Variants in CELF1 observed in about 807,000 individuals in gnomAD.
CELF1 encodes CUGBP Elav-like family member 1.
Under a neutral mutation model 61.8 loss-of-function variants are expected in CELF1, and 10 were observed. That is an observed-to-expected ratio of 0.16 (90% confidence interval 0.10 to 0.27). The LOEUF (loss-of-function observed/expected upper bound fraction) is 0.27, where lower values mean the gene tolerates loss of function less well. Among genes scored for constraint, CELF1 ranks in the 10% least tolerant of loss-of-function variants. CELF1 has a pLI of 1.00. For synonymous variants in CELF1, 236 were observed against 225.1 expected (o/e 1.05, Z -0.43); for missense variants, 380 against 639.1 (o/e 0.59, Z 4.37).
chr11:47,493,203 T>C (rs1239614183), intron 3 of CELF1, among the ~76,000 whole-genome samples: 2 of 151,948 alleles, frequency 1.3e-5, no homozygotes, highest in Non-Finnish European at 2.9e-5. Context: ...CCTGTTTATA[T>C]ACCAATTCAA....
At chr11:47,508,511 G>A (rs1481027590) in intron 1 of CELF1, among the ~76,000 whole-genome samples, 1 of 150,658 alleles carries the variant, frequency 6.6e-6, no homozygotes, top group Non-Finnish European at 1.5e-5. Context: ...GCAGCCCTCA[G>A]GGGGCTAGGA....
intron 1 of CELF1, among the ~76,000 whole-genome samples, chr11:47,540,424 C>T (rs979561497): frequency 6.6e-6 from 1 of 152,186 alleles, no homozygotes; most frequent in Non-Finnish European, 1.5e-5. Context: ...TTGTTGAAAG[C>T]CTGCTATAAA....
chr11:47,473,579 G>T (rs2078646317), intron 13 of CELF1, among the ~76,000 whole-genome samples: 1 of 152,174 alleles, frequency 6.6e-6, no homozygotes, highest in Non-Finnish European at 1.5e-5. Context: ...GTGAAAAGGG[G>T]TTATAAACAA....
chr11:47,507,400 C>T (rs1193747476), intron 1 of CELF1, among the ~76,000 whole-genome samples: 1 of 152,052 alleles, frequency 6.6e-6, no homozygotes, highest in African/African-American at 2.4e-5. Context: ...ACAAAAGCAA[C>T]CACGTTCCTG....
At chr11:47,504,107 C>G (rs1387036145) in intron 1 of CELF1, among the ~76,000 whole-genome samples, 1 of 152,018 alleles carries the variant, frequency 6.6e-6, no homozygotes, top group African/African-American at 2.4e-5. Flanking sequence ...CCCAGGAGGT[C>G]AAGGCTGCAG....
chr11:47,490,624 C>T (rs1052961659), intron 3 of CELF1, among the ~76,000 whole-genome samples: 4 of 152,058 alleles, frequency 2.6e-5, no homozygotes, highest in East Asian at 1.9e-4. Flanking sequence ...TGGGGTTTCA[C>T]CATATTGGTC....
At chr11:47,548,865 C>CAAA (rs35634201) in intron 1 of CELF1, among the ~76,000 whole-genome samples, 76 of 83,582 alleles carry the variant, frequency 9.1e-4, no homozygotes, top group African/African-American at 2.7e-3. Flanking sequence ...GACTCCATCT[C>CAAA]AAAAAAAAAA....
intron 1 of CELF1, among the ~76,000 whole-genome samples, chr11:47,550,438 G>A (rs1385673099): frequency 1.3e-5 from 2 of 152,186 alleles, no homozygotes; most frequent in South Asian, 4.1e-4. Context: ...GGCTGAGGCA[G>A]GAGAACTGCT....
At chr11:47,519,435 A>G (rs549612535) in intron 1 of CELF1, among the ~76,000 whole-genome samples, 2 of 152,064 alleles carry the variant, frequency 1.3e-5, no homozygotes, top group East Asian at 3.9e-4. Flanking sequence ...AGCTGAGATC[A>G]CACCACTGCA....
chr11:47,484,000 G>T lies in CELF1; in HGVS notation c.526+389C>A, dbSNP rs1038401256. 4.6e-5 allele frequency among the ~76,000 whole-genome samples: 7 copies of T among 152,188 alleles called. No individual in the cohort carries two copies. In the South Asian group the frequency reaches 1.5e-3, roughly 32 times the overall value. On this transcript the variant is annotated intron_variant, in intron 7 of 14. Transcript: ENST00000687097. ...TCTTTATCTTGACTGGGCCATATTG[G>T]CTAGGGAATCACTGTTGCTAGTTTC...
chr11:47,502,554 C>T lies in CELF1; in HGVS notation c.-153-1622G>A, dbSNP rs545529277. 7.9e-5 allele frequency among the ~76,000 whole-genome samples: 12 copies of T among 152,096 alleles called. No homozygotes were observed. The East Asian group carries it at 1.5e-3, about 20-fold the overall frequency. Reference sequence around the variant, plus strand: ...TGTGTGTTTAATGTCTTAATTAGTCCGGACACGGTGGCTCAAGCCTGTAAT... The same window carrying T: ...TGTGTGTTTAATGTCTTAATTAGTCTGGACACGGTGGCTCAAGCCTGTAAT... On this transcript the variant is annotated intron_variant, in intron 1 of 14. Transcript: ENST00000687097.
At chr11:47,514,304 T>C (rs73461744) in intron 1 of CELF1, among the ~76,000 whole-genome samples, 2,642 of 152,114 alleles carry the variant, frequency 0.017, 45 homozygotes, top group African/African-American at 0.048. Context: ...CTAACAATGA[T>C]AAACATTTTC....
At chr11:47,472,806 A>G (rs1233130490) in intron 14 of CELF1, among the ~76,000 whole-genome samples, 1 of 152,154 alleles carries the variant, frequency 6.6e-6, no homozygotes, top group Admixed American at 6.5e-5. Context: ...TGGCCTCCCC[A>G]AGTACTGGGA....
At chr11:47,495,920 A>G in intron 3 of CELF1, 2 of 942,668 alleles carry the variant, frequency 2.1e-6, no homozygotes, top group Non-Finnish European at 2.5e-6. Flanking sequence ...AATTATACAA[A>G]AAGAAAAAAT....
At chr11:47,480,569 T>C (rs1221449996) in intron 9 of CELF1, among the ~76,000 whole-genome samples, 1 of 152,076 alleles carries the variant, frequency 6.6e-6, no homozygotes. Context: ...GTAGTGGCAA[T>C]GACAACAAAA....
rs1479908850 is a variant in CELF1, at chr11:47,494,559, CTCCTT to C, written c.71+4889_71+4893del. On this transcript the variant is annotated intron_variant, in intron 3 of 14. Coordinates refer to ENST00000687097, the MANE Select transcript of CELF1 (RefSeq NM_001376376.1). ...AATTCTTGAACACTCTCTTCTCTTT[CTCCTT>C]TCTTTTCCCCTCTCAAAATTTCCCC... 8.2e-5 allele frequency: 72 copies of C among 881,770 alleles called. 2 individuals carry two copies. The South Asian group carries it at 3.1e-3, about 38-fold the overall frequency. The allele number at this position is 881,770 out of a possible 1,614,324, so 54.6% of individuals were successfully genotyped here. A position where few individuals can be genotyped will look rare whatever the true frequency, so the allele number is the denominator to read the frequency against.
rs757007910 is a variant in CELF1, at chr11:47,482,770, C to G, written c.693G>C (p.Gln231His). The G allele has an allele frequency of 6.2e-7, 1 of 1,614,162 alleles. No homozygotes were observed. Among genetic ancestry groups the G allele is most frequent in the South Asian group, 1.1e-5 (1 of 91,082 alleles). The change falls in exon 9 of 15, where the codon CAG (glutamine) becomes CAC (histidine). Residue 231 changes from glutamine (Q) to histidine (H), a missense_variant. Coordinates refer to ENST00000687097, the MANE Select transcript of CELF1 (RefSeq NM_001376376.1). ...QKRMAQQLQQ[Q>H]MQQISAASVW... The stretch of plus-strand genomic sequence containing the variant: ...CAGATGCTGCGCTGATTTGCTGCAT[C>G]TGCTGCTGGAGCTGCTGGGCCATTC...
At chr11:47,538,793 C>T (rs574246800) in intron 1 of CELF1, among the ~76,000 whole-genome samples, 17 of 152,238 alleles carry the variant, frequency 1.1e-4, no homozygotes, top group Non-Finnish European at 2.2e-4. Flanking sequence ...AACAAAATCA[C>T]GTTAGAAGCG....
At chr11:47,472,483 T>C in intron 14 of CELF1, 126 bp from the exon 15 acceptor site, 1 of 1,002,790 alleles carries the variant, frequency 1.0e-6, no homozygotes, top group African/African-American at 1.6e-5. Context: ...GGACAAGAAA[T>C]CTGGACATTA....
Sources: allele counts gnomAD v4.1 joint callset (sites outside exome capture counted in the v4.1 genomes callset), GRCh38; gene constraint gnomAD v4.1.1; transcripts MANE v1.5; gene names NCBI Gene and HGNC (gene_info 2026-07-23, HGNC 2026-07-21).